Variants in ACTR3C observed in about 807,000 individuals in gnomAD.
ACTR3C encodes the protein actin related protein 3C, also known as actin-related protein 3C.
In ACTR3C, 18 loss-of-function variants were observed where a neutral mutation model predicts 26.3. That is an observed-to-expected ratio of 0.68 (90% CI 0.47 to 1.01). ACTR3C has a LOEUF of 1.01. Among genes scored for constraint, ACTR3C ranks in the 50% least tolerant of loss-of-function variants. ACTR3C has a pLI of 0.00. For synonymous variants in ACTR3C, 55 were observed against 94.5 expected (o/e 0.58, Z 2.42); for missense variants, 184 against 250.7 (o/e 0.73, Z 1.80).
At chr7:150,108,693 A>C in the ACTR3C span, among the ~76,000 whole-genome samples, 1 of 150,722 alleles carries the variant, frequency 6.6e-6, no homozygotes, top group Admixed American at 6.6e-5. Context: ...TGGAGGACAC[A>C]GCAAGATGGC....
At chr7:150,173,140 T>G in the ACTR3C span, among the ~76,000 whole-genome samples, 1 of 150,312 alleles carries the variant, frequency 6.7e-6, no homozygotes, top group East Asian at 1.9e-4. Flanking sequence ...GTAGGGACTC[T>G]GTGTGGGGGC....
the ACTR3C span, among the ~76,000 whole-genome samples, chr7:150,037,317 G>T: frequency 2.2e-5 from 1 of 46,364 alleles, no homozygotes; most frequent in African/African-American, 7.0e-5. Context: ...GATCAACGAT[G>T]CGGGGTCCTA....
chr7:150,281,452 C>T (rs1835334104), intron 6 of ACTR3C, among the ~76,000 whole-genome samples: 2 of 150,348 alleles, frequency 1.3e-5, no homozygotes, highest in Admixed American at 6.6e-5. Context: ...CTCGTCAGTG[C>T]AGCTTCACTG....
chr7:149,971,511 T>C, the ACTR3C span, among the ~76,000 whole-genome samples: 1 of 152,242 alleles, frequency 6.6e-6, no homozygotes, highest in Non-Finnish European at 1.5e-5. Flanking sequence ...CTAATGCGAC[T>C]ACTTTTTATT....
the ACTR3C span, among the ~76,000 whole-genome samples, chr7:150,228,198 T>C: frequency 6.6e-6 from 1 of 152,230 alleles, no homozygotes; most frequent in South Asian, 2.1e-4. Flanking sequence ...TTTTATAGTT[T>C]TCTGCACATA....
intron 1 of ACTR3C, chr7:150,322,815 C>T (rs1210161032): frequency 2.0e-5 from 3 of 152,258 alleles, no homozygotes; most frequent in Non-Finnish European, 4.4e-5. Flanking sequence ...TGGATCGGGA[C>T]CCCTTTCTGA....
the ACTR3C span, among the ~76,000 whole-genome samples, chr7:149,971,214 C>G: frequency 6.6e-6 from 1 of 152,282 alleles, no homozygotes; most frequent in East Asian, 1.9e-4. Flanking sequence ...CGCCTCTAGC[C>G]ACAGGGGTCA....
the ACTR3C span, chr7:150,004,812 T>C: frequency 6.6e-6 from 1 of 152,384 alleles, no homozygotes; most frequent in East Asian, 1.9e-4. Flanking sequence ...GAAAACCTGT[T>C]CTGTTCTGAA....
At chr7:149,902,781 T>C in the ACTR3C span, among the ~76,000 whole-genome samples, 8,967 of 82,808 alleles carry the variant, frequency 0.11, 1,014 homozygotes, top group African/African-American at 0.16. Context: ...CCCATCTCTA[T>C]GAAAAATTTA....
chr7:150,111,920 A>G, the ACTR3C span, among the ~76,000 whole-genome samples: 2 of 151,826 alleles, frequency 1.3e-5, no homozygotes, highest in African/African-American at 4.8e-5. Flanking sequence ...ACTTCCATAC[A>G]TCATCGCTCT....
At chr7:149,904,530 C>CAA in the ACTR3C span, among the ~76,000 whole-genome samples, 13,467 of 101,444 alleles carry the variant, frequency 0.13, 3,010 homozygotes, top group African/African-American at 0.21. Flanking sequence ...GACTCCATCT[C>CAA]AAAAAACAAC....
chr7:149,956,477 T>G, the ACTR3C span, among the ~76,000 whole-genome samples: 1 of 152,218 alleles, frequency 6.6e-6, no homozygotes, highest in Non-Finnish European at 1.5e-5. Flanking sequence ...TGGTTTTCTA[T>G]CAGGCAAGTG....
At chr7:149,917,007 C>CCTT in the ACTR3C span, among the ~76,000 whole-genome samples, 1 of 152,174 alleles carries the variant, frequency 6.6e-6, no homozygotes, top group African/African-American at 2.4e-5. Flanking sequence ...CTTCTATCCA[C>CCTT]CTTCTATTCC....
the ACTR3C span, among the ~76,000 whole-genome samples, chr7:150,136,538 G>C: frequency 8.6e-5 from 13 of 152,016 alleles, no homozygotes; most frequent in Non-Finnish European, 1.5e-4. Context: ...GGCATGGTGG[G>C]GGGTGTCTGC....
chr7:149,907,513 T>C, the ACTR3C span, among the ~76,000 whole-genome samples: 12 of 149,348 alleles, frequency 8.0e-5, no homozygotes, highest in Non-Finnish European at 1.8e-4. Context: ...TCTCTCTCTC[T>C]CAACAAACTC....
the ACTR3C span, among the ~76,000 whole-genome samples, chr7:150,194,195 C>A: frequency 6.7e-6 from 1 of 148,442 alleles, no homozygotes. Flanking sequence ...TATCATTATG[C>A]AATACCCCTA....
At chr7:150,205,001 A>C in the ACTR3C span, among the ~76,000 whole-genome samples, 1 of 152,232 alleles carries the variant, frequency 6.6e-6, no homozygotes, top group African/African-American at 2.4e-5. Flanking sequence ...AAGCTCACAG[A>C]GAGGAAAAGT....
At chr7:150,020,360 G>A in the ACTR3C span, among the ~76,000 whole-genome samples, 2 of 152,046 alleles carry the variant, frequency 1.3e-5, no homozygotes, top group Non-Finnish European at 2.9e-5. Context: ...GTCCTTTTCT[G>A]ACACTGCCCC....
chr7:150,065,567 A>G, the ACTR3C span, among the ~76,000 whole-genome samples: 1 of 152,210 alleles, frequency 6.6e-6, no homozygotes, highest in African/African-American at 2.4e-5. Context: ...ACCCTCAGAA[A>G]GCAGAGCCTA....
Sources: allele counts gnomAD v4.1 joint callset (sites outside exome capture counted in the v4.1 genomes callset), GRCh38; gene constraint gnomAD v4.1.1; transcripts MANE v1.5; gene names NCBI Gene and HGNC (gene_info 2026-07-23, HGNC 2026-07-21).